The following SPATS2L variants were observed in gnomAD, a reference collection of about 807,000 sequenced individuals.
The protein encoded by SPATS2L is SPATS2-like protein.
In SPATS2L, 30 loss-of-function variants were observed where a neutral mutation model predicts 59.6. The observed-to-expected ratio is 0.50, with a 90% CI of 0.38 to 0.68. SPATS2L has a LOEUF of 0.68. Among genes scored for constraint, SPATS2L ranks in the 30% least tolerant of loss-of-function variants. The probability of loss-of-function intolerance (pLI) is 0.00; values close to 1 mark genes in which losing one functional copy is unlikely to be tolerated. For missense variants in SPATS2L, 615 were observed against 700.0 expected, an observed-to-expected ratio of 0.88 and a Z score of 1.37; for synonymous variants, 252 against 263.5, an observed-to-expected ratio of 0.96 and a Z score of 0.42.
chr2:200,463,769 A>G (rs2106202449), intron 9 of SPATS2L, among the ~76,000 whole-genome samples: 1 of 152,374 alleles, frequency 6.6e-6, no homozygotes, highest in Non-Finnish European at 1.5e-5. Context: ...TATGAAGTAG[A>G]ATGCAAAATT....
At chr2:200,356,132 G>A (rs1231455663) in intron 2 of SPATS2L, among the ~76,000 whole-genome samples, 1 of 152,068 alleles carries the variant, frequency 6.6e-6, no homozygotes, top group Non-Finnish European at 1.5e-5. Flanking sequence ...GTCAGTCCAC[G>A]GTAAATGGGT....
intron 2 of SPATS2L, chr2:200,372,218 G>C (rs538464062): frequency 1.0e-6 from 1 of 984,724 alleles, no homozygotes; most frequent in Non-Finnish European, 1.2e-6. Context: ...GAATTCTGGA[G>C]TTATAAGGCA....
At chr2:200,407,198 C>T (rs1295190921) in intron 3 of SPATS2L, among the ~76,000 whole-genome samples, 2 of 152,152 alleles carry the variant, frequency 1.3e-5, no homozygotes. Context: ...TTTACATAGG[C>T]TCTAGAAGAT....
intron 2 of SPATS2L, among the ~76,000 whole-genome samples, chr2:200,379,283 T>C (rs1288225295): frequency 6.6e-6 from 1 of 152,228 alleles, no homozygotes; most frequent in Non-Finnish European, 1.5e-5. Context: ...TCTGTGCTCA[T>C]GTTTATTTTT....
intron 2 of SPATS2L, among the ~76,000 whole-genome samples, chr2:200,375,272 A>AT (rs886069230): frequency 6.6e-5 from 10 of 151,760 alleles, no homozygotes; most frequent in East Asian, 1.9e-4. Context: ...GTGAAAATGA[A>AT]TTTTTTTTTC....
chr2:200,447,884 A>G (rs779599117), intron 8 of SPATS2L, among the ~76,000 whole-genome samples: 59 of 152,272 alleles, frequency 3.9e-4, no homozygotes, highest in Middle Eastern at 6.3e-3. Context: ...GTGTTAAACA[A>G]TTACTAAATT....
intron 1 of SPATS2L, among the ~76,000 whole-genome samples, chr2:200,317,622 TC>T (rs2079423106): frequency 6.6e-6 from 1 of 152,152 alleles, no homozygotes; most frequent in Non-Finnish European, 1.5e-5. Flanking sequence ...TTTGCCTAAG[TC>T]CCATTCTCCC....
intron 6 of SPATS2L, among the ~76,000 whole-genome samples, chr2:200,431,973 G>A (rs992087464): frequency 4.6e-5 from 7 of 152,212 alleles, no homozygotes; most frequent in African/African-American, 1.4e-4. Context: ...AGTTAAATAT[G>A]AAAACAATTG....
chr2:200,411,877 A>T (rs988061233), intron 3 of SPATS2L, among the ~76,000 whole-genome samples: 1 of 152,156 alleles, frequency 6.6e-6, no homozygotes, highest in Non-Finnish European at 1.5e-5. Flanking sequence ...GACTGTTTCC[A>T]CTGTGCAGAT....
chr2:200,442,473 A>AT (rs1342196888), intron 8 of SPATS2L, among the ~76,000 whole-genome samples: 1 of 152,126 alleles, frequency 6.6e-6, no homozygotes, highest in Admixed American at 6.5e-5. Context: ...TGTGGGCCAG[A>AT]TTTGGCTCAT....
rs2084626859 is a variant in SPATS2L at position 200,440,546 on chromosome 2, T to C, written c.653-103T>C. On this transcript the variant is annotated intron_variant, in intron 7 of 12. Coordinates refer to ENST00000409140, the MANE Select transcript of SPATS2L (RefSeq NM_001100423.2). ...GATGGAACTTTTACTAGACAAAAGA[T>C]GAGTCCCTTTTTCTGGTGGGCTAAT... 8 of 1,134,102 alleles carry C rather than the reference T, an allele frequency of 7.1e-6. No individual in the cohort carries two copies. In the South Asian group the frequency reaches 1.2e-4, roughly 18 times the overall value. 70.3% of individuals were successfully genotyped at this position (1,134,102 alleles called of 1,614,324 possible).
intron 8 of SPATS2L, among the ~76,000 whole-genome samples, chr2:200,444,169 C>T (rs1217498032): frequency 6.6e-6 from 1 of 152,180 alleles, no homozygotes; most frequent in African/African-American, 2.4e-5. Flanking sequence ...TGGCCTCCTA[C>T]CACAACTGGA....
intron 3 of SPATS2L, among the ~76,000 whole-genome samples, chr2:200,393,489 G>A (rs977032242): frequency 6.6e-6 from 1 of 152,156 alleles, no homozygotes; most frequent in African/African-American, 2.4e-5. Context: ...CTGCATTTCC[G>A]TAACTTATAA....
Position 200,478,090 on chromosome 2 carries a change from C to G in SPATS2L, c.*59C>G. Reference sequence around the variant, plus strand: ...TTGGTTCCCTGCCCGAGGTGCTGACCCAATTCGCTGCCAAAAGAGTGTCAA... The same window carrying G: ...TTGGTTCCCTGCCCGAGGTGCTGACGCAATTCGCTGCCAAAAGAGTGTCAA... On this transcript the variant is annotated 3_prime_UTR_variant, in exon 13 of 13. Coordinates refer to ENST00000409140, the MANE Select transcript of SPATS2L (RefSeq NM_001100423.2). The G allele has an allele frequency of 1.4e-6, 2 of 1,465,656 alleles. No individual in the cohort carries two copies. The highest frequency in any genetic ancestry group is 2.8e-5 in the South Asian group (2 of 72,142). 90.8% of individuals were successfully genotyped at this position (1,465,656 alleles called of 1,614,324 possible).
intron 7 of SPATS2L, 51 bp from the exon 8 acceptor site, chr2:200,440,594 TACAA>T: frequency 2.6e-6 from 4 of 1,551,408 alleles, no homozygotes; most frequent in South Asian, 1.2e-5. Context: ...TTGTTTAGCT[TACAA>T]ACAAAGGATT....
intron 2 of SPATS2L, among the ~76,000 whole-genome samples, chr2:200,381,092 C>T (rs2081793695): frequency 6.6e-6 from 1 of 152,170 alleles, no homozygotes; most frequent in African/African-American, 2.4e-5. Context: ...AGAAATTAGG[C>T]AATTTAACAG....
chr2:200,463,125 A>G (rs1186959048), intron 9 of SPATS2L: 1 of 152,152 alleles, frequency 6.6e-6, no homozygotes, highest in African/African-American at 2.4e-5. Context: ...GTTCTATTGC[A>G]TCTCTCAAAT....
chr2:200,403,583 A>G (rs867233971), intron 3 of SPATS2L, among the ~76,000 whole-genome samples: 1 of 152,210 alleles, frequency 6.6e-6, no homozygotes, highest in Middle Eastern at 3.4e-3. Flanking sequence ...CTAGTGTTCC[A>G]ATTCATCCTC....
At position 200,481,097 on chromosome 2, in the gene SPATS2L, G is replaced by C. The variant is rs1409850112; in HGVS notation, c.*3066G>C. 6.6e-6 allele frequency: 1 copy of C among 152,080 alleles called. No individual in the cohort carries two copies. The highest frequency in any genetic ancestry group is 2.4e-5 in the African/African-American group (1 of 41,386). 9.4% of individuals were successfully genotyped at this position (152,080 alleles called of 1,614,324 possible). A position where few individuals can be genotyped will look rare whatever the true frequency, so the allele number is the denominator to read the frequency against. On this transcript the variant is annotated 3_prime_UTR_variant, in exon 13 of 13. Coordinates refer to ENST00000409140, the MANE Select transcript of SPATS2L (RefSeq NM_001100423.2). ...GAGAATCTCTGCATACTCCAGCTCT[G>C]TCCTGTTGATCCTATTCTAGAAGTG...
Sources: gnomAD v4.1 joint callset for allele counts (sites outside exome capture counted in the v4.1 genomes callset) on GRCh38, gnomAD v4.1.1 for gene constraint, MANE v1.5 for transcripts, NCBI Gene and HGNC (gene_info 2026-07-23, HGNC 2026-07-21) for gene names.